NKAIN2: variants seen among roughly 807,000 people sequenced by gnomAD.
NKAIN2 encodes the protein sodium/potassium-transporting ATPase subunit beta-1-interacting protein 2.
In NKAIN2, 14 loss-of-function variants were observed where a neutral mutation model predicts 32.6. That is an observed-to-expected ratio of 0.43 (90% CI 0.28 to 0.67). The LOEUF (loss-of-function observed/expected upper bound fraction) is 0.67. NKAIN2 is among the 30% of genes least tolerant of loss of function. NKAIN2 has a pLI of 0.17. For missense variants in NKAIN2, 198 were observed against 258.3 expected (o/e 0.77, Z 1.60); for synonymous variants, 80 against 87.2 (o/e 0.92, Z 0.46).
intron 1 of NKAIN2, among the ~76,000 whole-genome samples, chr6:124,136,497 A>G (rs944741324): frequency 6.6e-6 from 1 of 152,136 alleles, no homozygotes; most frequent in Non-Finnish European, 1.5e-5. Flanking sequence ...TCCTCCCTAA[A>G]TCACTCTATG....
chr6:124,600,237 A>G (rs1782255353), intron 3 of NKAIN2, among the ~76,000 whole-genome samples: 1 of 152,116 alleles, frequency 6.6e-6, no homozygotes, highest in Non-Finnish European at 1.5e-5. Context: ...TGAGGTTAAC[A>G]TTGGCTAAGT....
chr6:124,206,068 C>A (rs183936518), intron 1 of NKAIN2, among the ~76,000 whole-genome samples: 2 of 151,936 alleles, frequency 1.3e-5, no homozygotes, highest in East Asian at 3.9e-4. Flanking sequence ...AGTGAACTTA[C>A]AATTATTTCC....
chr6:124,596,824 A>G (rs889485485), intron 3 of NKAIN2, among the ~76,000 whole-genome samples: 2 of 152,132 alleles, frequency 1.3e-5, no homozygotes, highest in African/African-American at 4.8e-5. Context: ...TCGTGGTTAT[A>G]GAGGCTGACA....
chr6:124,104,356 G>T (rs968239253), intron 1 of NKAIN2, among the ~76,000 whole-genome samples: 6 of 152,214 alleles, frequency 3.9e-5, no homozygotes, highest in Admixed American at 6.5e-5. Flanking sequence ...TTGCTGAGGT[G>T]GTAGTTGATG....
intron 3 of NKAIN2, among the ~76,000 whole-genome samples, chr6:124,611,765 C>G (rs896163178): frequency 6.6e-6 from 1 of 152,110 alleles, no homozygotes; most frequent in Non-Finnish European, 1.5e-5. Flanking sequence ...ATTAGATGAT[C>G]CCCTAGATGT....
intron 1 of NKAIN2, among the ~76,000 whole-genome samples, chr6:124,265,854 A>C (rs1448246471): frequency 6.6e-6 from 1 of 152,210 alleles, no homozygotes. Context: ...AGTGGAGCTC[A>C]CCTGTAGCCA....
At chr6:124,646,963 C>G (rs949384368) in intron 3 of NKAIN2, among the ~76,000 whole-genome samples, 1 of 150,640 alleles carries the variant, frequency 6.6e-6, no homozygotes, top group Non-Finnish European at 1.5e-5. Flanking sequence ...AAAACAAAAA[C>G]AAAAACAAAA....
intron 3 of NKAIN2, among the ~76,000 whole-genome samples, chr6:124,553,585 G>A (rs1246817888): frequency 6.6e-6 from 1 of 152,140 alleles, no homozygotes; most frequent in Non-Finnish European, 1.5e-5. Context: ...GGAATTAAAG[G>A]CATGAGCCAC....
chr6:124,314,402 C>T (rs746864555), intron 2 of NKAIN2, among the ~76,000 whole-genome samples: 2 of 151,978 alleles, frequency 1.3e-5, no homozygotes, highest in South Asian at 2.1e-4. Context: ...AATGTTTAGA[C>T]GTTTTCTTGG....
intron 3 of NKAIN2, among the ~76,000 whole-genome samples, chr6:124,595,348 C>T (rs1465342109): frequency 6.6e-6 from 1 of 152,202 alleles, no homozygotes; most frequent in East Asian, 1.9e-4. Flanking sequence ...AGTGGGACTC[C>T]AGACCCCTTA....
At chr6:124,657,625 G>A (rs190494945) in intron 3 of NKAIN2, among the ~76,000 whole-genome samples, 225 of 152,200 alleles carry the variant, frequency 1.5e-3, no homozygotes, top group African/African-American at 5.3e-3. Context: ...AGATTGAAGA[G>A]ACACTGATTT....
chr6:124,125,046 G>C (rs1786090401), intron 1 of NKAIN2, among the ~76,000 whole-genome samples: 1 of 152,118 alleles, frequency 6.6e-6, no homozygotes, highest in Non-Finnish European at 1.5e-5. Flanking sequence ...GTACTTATTT[G>C]AACATCACCT....
chr6:124,282,739 G>A (rs1335122146), intron 1 of NKAIN2, among the ~76,000 whole-genome samples: 1 of 152,126 alleles, frequency 6.6e-6, no homozygotes, highest in Non-Finnish European at 1.5e-5. Context: ...TCCTATGACT[G>A]CAAAGATGAC....
chr6:124,150,600 T>C (rs1787663447), intron 1 of NKAIN2, among the ~76,000 whole-genome samples: 1 of 152,178 alleles, frequency 6.6e-6, no homozygotes, highest in Non-Finnish European at 1.5e-5. Context: ...ATGATTAATA[T>C]TTAGGTTAAT....
intron 3 of NKAIN2, among the ~76,000 whole-genome samples, chr6:124,485,334 T>C (rs1393475032): frequency 6.6e-6 from 1 of 152,024 alleles, no homozygotes; most frequent in Non-Finnish European, 1.5e-5. Context: ...TACATCACAC[T>C]CCACTCCCCA....
At chr6:124,226,645 G>C (rs1792126979) in intron 1 of NKAIN2, among the ~76,000 whole-genome samples, 1 of 151,588 alleles carries the variant, frequency 6.6e-6, no homozygotes, top group Admixed American at 6.6e-5. Context: ...TTTTTGACTT[G>C]GAAGTGCTCC....
chr6:124,456,247 T>C (rs1315242142), intron 3 of NKAIN2, among the ~76,000 whole-genome samples: 1 of 151,952 alleles, frequency 6.6e-6, no homozygotes, highest in African/African-American at 2.4e-5. Context: ...AAGTATTCCA[T>C]TCTGTAATGT....
At chr6:124,643,580 A>G (rs1784066909) in intron 3 of NKAIN2, among the ~76,000 whole-genome samples, 1 of 152,184 alleles carries the variant, frequency 6.6e-6, no homozygotes. Context: ...CATATATGCT[A>G]TCTTACTATC....
chr6:124,332,112 A>T (rs1188230741), intron 2 of NKAIN2, among the ~76,000 whole-genome samples: 1 of 152,148 alleles, frequency 6.6e-6, no homozygotes, highest in Non-Finnish European at 1.5e-5. Flanking sequence ...TCAAGGCCTT[A>T]GTTTTTAAGT....
Sources: gnomAD v4.1 joint callset for allele counts (sites outside exome capture counted in the v4.1 genomes callset) on GRCh38, gnomAD v4.1.1 for gene constraint, MANE v1.5 for transcripts, NCBI Gene and HGNC (gene_info 2026-07-23, HGNC 2026-07-21) for gene names.